Variants in DOCK4 observed in about 807,000 individuals in gnomAD.
DOCK4 encodes dedicator of cytokinesis protein 4.
DOCK4 carries 97 observed loss-of-function variants against 268.1 expected under a neutral mutation model. That is an observed-to-expected ratio of 0.36 (90% CI 0.31 to 0.43). DOCK4 has a LOEUF of 0.43. Among genes scored for constraint, DOCK4 ranks in the 20% least tolerant of loss-of-function variants. The pLI, the probability that DOCK4 is intolerant of heterozygous loss-of-function variation, is 1.00. For missense variants in DOCK4, 2,145 were observed against 2,455.7 expected, an observed-to-expected ratio of 0.87 and a Z score of 2.67; for synonymous variants, 954 against 887.2, an observed-to-expected ratio of 1.08 and a Z score of -1.34.
chr7:112,087,337 A>G (rs1809188806), intron 1 of DOCK4, among the ~76,000 whole-genome samples: 2 of 152,144 alleles, frequency 1.3e-5, no homozygotes, highest in South Asian at 4.1e-4. Context: ...TCAATATAAC[A>G]TAAGGATTCC....
intron 8 of DOCK4, chr7:111,953,533 G>A (rs1467045736): frequency 6.6e-6 from 1 of 152,206 alleles, no homozygotes; most frequent in African/African-American, 2.4e-5. Context: ...CCAGAATACG[G>A]CACCCCAAAA....
chr7:111,860,731 C>T (rs1805438440), intron 23 of DOCK4, among the ~76,000 whole-genome samples: 1 of 152,212 alleles, frequency 6.6e-6, no homozygotes, highest in Admixed American at 6.5e-5. Flanking sequence ...GTCCTTCCAT[C>T]CCTTACCATA....
Position 111,900,677 on chromosome 7 carries a change from C to T in DOCK4, c.1318-141G>A. ...CTCGCTGGGCCTTTGCCGTGTGTTT[C>T]TGTACTTGCTGCTGCTTAGCGGGGT... On this transcript the variant is annotated intron_variant, in intron 14 of 52. Coordinates refer to ENST00000428084, the MANE Select transcript of DOCK4 (RefSeq NM_001363540.2). 4.8e-6 allele frequency: 4 copies of T among 832,868 alleles called. No individual in the cohort carries two copies. The South Asian group carries it at 7.4e-5, about 15-fold the overall frequency. 51.6% of individuals were successfully genotyped at this position (832,868 alleles called of 1,614,324 possible). A position where few individuals can be genotyped will look rare whatever the true frequency, so the allele number is the denominator to read the frequency against.
chr7:112,131,312 T>A (rs532928395), intron 1 of DOCK4, among the ~76,000 whole-genome samples: 1 of 152,276 alleles, frequency 6.6e-6, no homozygotes, highest in Admixed American at 6.5e-5. Context: ...TGATTCCCTG[T>A]GTACCTGGGA....
rs147116375 is a variant in DOCK4, at chr7:111,736,560, A to C, written c.5305+357T>G. Among the ~76,000 whole-genome samples the C allele has an allele frequency of 2.1e-4, 32 of 152,264 alleles. No individual in the cohort carries two copies. The East Asian group carries it at 6.0e-3, about 29-fold the overall frequency. ...CTTTGTAAGGGAGACGAAGGATGGG[A>C]CCACCGAATCGATCCGGGTGAAGCT... On this transcript the variant is annotated intron_variant, in intron 50 of 52. Coordinates refer to ENST00000428084, the MANE Select transcript of DOCK4 (RefSeq NM_001363540.2).
rs749907970 is a variant in DOCK4, at chr7:111,838,086, C to CAAAA, written c.2737-3404_2737-3401dup. 2.9e-3 allele frequency among the ~76,000 whole-genome samples: 87 copies of CAAAA among 29,842 alleles called. 2 individuals carry two copies. Among genetic ancestry groups the CAAAA allele is most frequent in the South Asian group, 0.012 (9 of 748 alleles). 19.6% of individuals were successfully genotyped at this position (29,842 alleles called of 152,430 possible). A position where few individuals can be genotyped will look rare whatever the true frequency, so the allele number is the denominator to read the frequency against. ...GGGTGACATTAGCGAAACCCTACCT[C>CAAAA]AAAAAAAAAAAAAAAAAAAAAAAAA... On this transcript the variant is annotated intron_variant, in intron 25 of 52. Transcript: ENST00000428084.
At chr7:111,865,371 A>G (rs1379814329) in intron 22 of DOCK4, among the ~76,000 whole-genome samples, 5 of 152,190 alleles carry the variant, frequency 3.3e-5, no homozygotes, top group Admixed American at 3.3e-4. Context: ...GCAGCTTCCC[A>G]TCAATCCAAC....
At chr7:112,060,893 C>T (rs962213382) in intron 1 of DOCK4, among the ~76,000 whole-genome samples, 1 of 152,120 alleles carries the variant, frequency 6.6e-6, no homozygotes, top group Non-Finnish European at 1.5e-5. Context: ...ATGAATGGGA[C>T]TGATGTTTGC....
chr7:112,002,028 ATAT>A (rs1163782541), intron 2 of DOCK4, among the ~76,000 whole-genome samples: 7 of 152,240 alleles, frequency 4.6e-5, no homozygotes, highest in Non-Finnish European at 1.0e-4. Context: ...TATGTAGTAA[ATAT>A]TATGCCTAAT....
chr7:112,004,168 T>C (rs1446156583), intron 1 of DOCK4, 37 bp from the exon 2 acceptor site: 2 of 1,464,174 alleles, frequency 1.4e-6, no homozygotes, highest in Non-Finnish European at 1.9e-6. Context: ...AAGACAATCA[T>C]GTCCATTACA....
At chr7:111,804,393 T>C (rs926748599) in intron 30 of DOCK4, among the ~76,000 whole-genome samples, 2 of 152,214 alleles carry the variant, frequency 1.3e-5, no homozygotes, top group African/African-American at 2.4e-5. Flanking sequence ...GTTAAATTCA[T>C]AGAGACAGAA....
intron 37 of DOCK4, among the ~76,000 whole-genome samples, chr7:111,767,758 A>G (rs1585923050): frequency 6.6e-6 from 1 of 152,094 alleles, no homozygotes; most frequent in Non-Finnish European, 1.5e-5. Flanking sequence ...TGCAGAGGAG[A>G]GAATTACCAC....
intron 1 of DOCK4, among the ~76,000 whole-genome samples, chr7:112,166,247 A>G (rs1386162850): frequency 1.3e-5 from 2 of 152,168 alleles, no homozygotes; most frequent in African/African-American, 2.4e-5. Context: ...AACTGCCAAG[A>G]GTGTTTTGTA....
chr7:111,743,090 T>C (rs780648149), intron 44 of DOCK4, among the ~76,000 whole-genome samples: 5 of 149,430 alleles, frequency 3.3e-5, no homozygotes, highest in South Asian at 2.1e-4. Context: ...TAAAAAACTT[T>C]CCTGCAGTGA....
chr7:111,877,591 C>T (rs932456920), intron 16 of DOCK4, among the ~76,000 whole-genome samples: 4 of 152,108 alleles, frequency 2.6e-5, no homozygotes, highest in African/African-American at 7.2e-5. Context: ...TTCAAAAACA[C>T]TTAAATTCTT....
chr7:111,910,190 C>T (rs66469039), intron 13 of DOCK4, among the ~76,000 whole-genome samples: 26,727 of 152,092 alleles, frequency 0.18, 2,475 homozygotes, highest in Non-Finnish European at 0.22. Context: ...GAAAGAATCA[C>T]AGAGTAAAAA....
intron 6 of DOCK4, among the ~76,000 whole-genome samples, chr7:111,984,764 A>T (rs769277433): frequency 2.6e-5 from 4 of 152,182 alleles, no homozygotes; most frequent in Non-Finnish European, 4.4e-5. Context: ...TTGGTTCTAG[A>T]AATTGGAGTT....
chr7:111,736,234 G>C (rs1795462818), intron 50 of DOCK4, among the ~76,000 whole-genome samples: 1 of 152,110 alleles, frequency 6.6e-6, no homozygotes, highest in Admixed American at 6.5e-5. Flanking sequence ...TTGATTTATT[G>C]GCCTGGGGAA....
intron 8 of DOCK4, among the ~76,000 whole-genome samples, chr7:111,947,826 C>T (rs1417792023): frequency 6.6e-6 from 1 of 152,058 alleles, no homozygotes; most frequent in African/African-American, 2.4e-5. Flanking sequence ...CGGGTTCAAG[C>T]GATTCTCCTG....
Sources: gnomAD v4.1 joint callset for allele counts (sites outside exome capture counted in the v4.1 genomes callset) on GRCh38, gnomAD v4.1.1 for gene constraint, MANE v1.5 for transcripts, NCBI Gene and HGNC (gene_info 2026-07-23, HGNC 2026-07-21) for gene names.